The following GPI variants were observed in gnomAD, a reference collection of about 807,000 sequenced individuals.
GPI encodes the protein glucose-6-phosphate isomerase.
Under a neutral mutation model 75.8 loss-of-function variants are expected in GPI, and 56 were observed. That is an observed-to-expected ratio of 0.74 (90% confidence interval 0.60 to 0.92). The LOEUF (loss-of-function observed/expected upper bound fraction) is 0.92, where lower values mean the gene tolerates loss of function less well. Among genes scored for constraint, GPI ranks in the 40% least tolerant of loss-of-function variants. The pLI, the probability that GPI is intolerant of heterozygous loss-of-function variation, is 0.00. For missense variants in GPI, 638 were observed against 741.0 expected (o/e 0.86, Z 1.61); for synonymous variants, 288 against 285.4 (o/e 1.01, Z -0.09).
chr19:34,383,185 C>A (rs941433489), intron 9 of GPI, among the ~76,000 whole-genome samples: 1 of 152,134 alleles, frequency 6.6e-6, no homozygotes, highest in Non-Finnish European at 1.5e-5. Context: ...TCTCTCAGGG[C>A]TCGGCCAGGG....
chr19:34,398,889 G>C (rs1242495439), intron 14 of GPI: 2 of 225,320 alleles, frequency 8.9e-6, no homozygotes, highest in Middle Eastern at 1.7e-3. Context: ...GGTATTTTTA[G>C]TAGAGACGGG....
intron 4 of GPI, among the ~76,000 whole-genome samples, chr19:34,375,025 C>T (rs1049005552): frequency 6.6e-6 from 1 of 151,982 alleles, no homozygotes; most frequent in African/African-American, 2.4e-5. Context: ...CCACTGAGTC[C>T]GGCCTGCATA....
At chr19:34,374,639 A>G (rs2074505540) in intron 4 of GPI, among the ~76,000 whole-genome samples, 1 of 152,100 alleles carries the variant, frequency 6.6e-6, no homozygotes, top group South Asian at 2.1e-4. Context: ...TACCCCTCAC[A>G]CACCCAGCAT....
At chr19:34,370,649 C>T (rs915276511) in intron 4 of GPI, among the ~76,000 whole-genome samples, 6 of 151,750 alleles carry the variant, frequency 4.0e-5, no homozygotes, top group African/African-American at 9.7e-5. Flanking sequence ...CTCTTGAACC[C>T]GGGAGGCAGA....
intron 9 of GPI, among the ~76,000 whole-genome samples, chr19:34,384,185 C>T (rs2074697990): frequency 6.6e-6 from 1 of 152,120 alleles, no homozygotes; most frequent in South Asian, 2.1e-4. Context: ...GATGTCTGAG[C>T]AGCTCTGGTG....
At chr19:34,376,891 T>C (rs2074545518) in intron 4 of GPI, among the ~76,000 whole-genome samples, 1 of 151,204 alleles carries the variant, frequency 6.6e-6, no homozygotes, top group African/African-American at 2.4e-5. Flanking sequence ...CTACTAAAAA[T>C]ACAAAAAAAT....
chr19:34,381,075 G>A (rs990251193), intron 8 of GPI: 2 of 346,210 alleles, frequency 5.8e-6, no homozygotes, highest in African/African-American at 4.2e-5. Context: ...GGTGGCCCCT[G>A]CCCACACTTG....
intron 2 of GPI, 46 bp from the exon 3 acceptor site, chr19:34,366,737 G>T: frequency 7.5e-7 from 1 of 1,327,240 alleles, no homozygotes; most frequent in Non-Finnish European, 1.1e-6. Context: ...GACACTTGGG[G>T]TGGCCAGTGT....
intron 6 of GPI, among the ~76,000 whole-genome samples, chr19:34,378,688 C>A (rs1336238872): frequency 6.6e-6 from 1 of 152,216 alleles, no homozygotes; most frequent in Admixed American, 6.5e-5. Context: ...GACTGCAGCC[C>A]CTCAGGGGAG....
chr19:34,371,713 G>C (rs1194916844), intron 4 of GPI, among the ~76,000 whole-genome samples: 1 of 151,574 alleles, frequency 6.6e-6, no homozygotes, highest in Non-Finnish European at 1.5e-5. Context: ...AAGTTAGCCT[G>C]GCATGGTGGT....
rs2145437856 is a variant in GPI at position 34,399,754 on chromosome 19, A to G, written c.1510A>G (p.Ile504Val). ...GCACAAGATCTTCGTTCAGGGCATC[A>G]TCTGGGACATCAACAGCTTTGACCA... ...YEHKIFVQGI[I>V]WDINSFDQWG... Residue 504 changes from isoleucine (I) to valine (V), a missense_variant, in exon 17 of 18, where the codon ATC (isoleucine) becomes GTC (valine). Transcript: ENST00000356487. The G allele has an allele frequency of 1.2e-6, 2 of 1,614,100 alleles. No individual in the cohort carries two copies. Among genetic ancestry groups the G allele is most frequent in the Non-Finnish European group, 1.7e-6 (2 of 1,180,010 alleles).
chr19:34,375,088 G>T (rs562881566), intron 4 of GPI, among the ~76,000 whole-genome samples: 1 of 150,148 alleles, frequency 6.7e-6, no homozygotes, highest in Admixed American at 6.6e-5. Context: ...ATCTGTATTA[G>T]TTATCTATCA....
intron 8 of GPI, 112 bp from the exon 9 acceptor site, chr19:34,381,354 G>A: frequency 1.2e-6 from 1 of 802,690 alleles, no homozygotes; most frequent in East Asian, 2.4e-5. Flanking sequence ...TGGCTCTGGG[G>A]AAGGTGAGGC....
rs1475889615 is a variant in GPI at position 34,400,246 on chromosome 19, A to G, written c.*210A>G. 1 of 629,370 alleles carries G rather than the reference A, an allele frequency of 1.6e-6. No individual in the cohort carries two copies. The highest frequency in any genetic ancestry group is 2.8e-6 in the Non-Finnish European group (1 of 352,746). 39.0% of individuals were successfully genotyped at this position (629,370 alleles called of 1,614,324 possible). On this transcript the variant is annotated 3_prime_UTR_variant, in exon 18 of 18. Transcript: ENST00000356487. ...GCTCCCTCTGTGTTAGAATTGGCTGAAGTGTTTTTGTGCAGCTGACTTTTC... is the reference window on the plus strand; with the variant it reads ...GCTCCCTCTGTGTTAGAATTGGCTGGAGTGTTTTTGTGCAGCTGACTTTTC...
upstream of GPI, chr19:34,365,007 G>C: frequency 1.3e-6 from 2 of 1,533,134 alleles, no homozygotes; most frequent in Non-Finnish European, 1.7e-6. Flanking sequence ...CCAGCAAAGC[G>C]GCGGCGCAAG....
chr19:34,371,590 C>G (rs982647460), intron 4 of GPI, among the ~76,000 whole-genome samples: 3 of 152,020 alleles, frequency 2.0e-5, no homozygotes, highest in African/African-American at 7.2e-5. Context: ...GTGGCTCACA[C>G]CTGTAATCCC....
At chr19:34,377,099 G>A (rs2074549096) in intron 4 of GPI, among the ~76,000 whole-genome samples, 1 of 150,724 alleles carries the variant, frequency 6.6e-6, no homozygotes, top group Non-Finnish European at 1.5e-5. Flanking sequence ...TCAGGAGATC[G>A]AGACCATCCT....
chr19:34,368,709 G>T lies in GPI; in HGVS notation c.402+7G>T, dbSNP rs1007905719. 1 of 1,614,180 alleles carries T rather than the reference G, an allele frequency of 6.2e-7. No homozygotes were observed. The highest frequency in any genetic ancestry group is 8.5e-7 in the Non-Finnish European group (1 of 1,180,028). ...GATGAAGTCTTTCTGCCAGGTAAGT[G>T]GCTACTGGGCCGGACTCACCCTTGG... On this transcript the variant is annotated splice_region_variant and intron_variant, in intron 4 of 17. Coordinates refer to ENST00000356487, the MANE Select transcript of GPI (RefSeq NM_000175.5).
intron 9 of GPI, among the ~76,000 whole-genome samples, chr19:34,389,560 T>C (rs2074791540): frequency 6.6e-6 from 1 of 152,210 alleles, no homozygotes; most frequent in Admixed American, 6.5e-5. Flanking sequence ...AGGTTACTAG[T>C]CTTGGACCAT....
Sources: allele counts gnomAD v4.1 joint callset (sites outside exome capture counted in the v4.1 genomes callset), GRCh38; gene constraint gnomAD v4.1.1; transcripts MANE v1.5; gene names NCBI Gene and HGNC (gene_info 2026-07-23, HGNC 2026-07-21).